ASXL3: variants seen among roughly 807,000 people sequenced by gnomAD.
ASXL3 encodes the protein ASXL transcriptional regulator 3.
In ASXL3, 34 loss-of-function variants were observed where a neutral mutation model predicts 170.6. The ratio of observed to expected loss-of-function variants is 0.20; its 90% CI spans 0.15 to 0.27. ASXL3 has a LOEUF of 0.27. ASXL3 is among the 10% of genes least tolerant of loss of function. The pLI is 1.00. For synonymous variants in ASXL3, 1,002 were observed against 989.1 expected, an observed-to-expected ratio of 1.01 and a Z score of -0.24; for missense variants, 2,592 against 2,695.3, an observed-to-expected ratio of 0.96 and a Z score of 0.85.
intron 4 of ASXL3, among the ~76,000 whole-genome samples, chr18:33,646,880 CG>C (rs56102471): frequency 0.3 from 13,281 of 43,674 alleles, 897 homozygotes; most frequent in Middle Eastern, 0.54. Context: ...TAAGGGGGAG[CG>C]GGGGGGGGGG....
Position 33,671,542 on chromosome 18 carries a change from G to A in ASXL3, c.596-205G>A, listed in dbSNP as rs567325658. ...AACGTAGTTTTGACTCCACTATTAGGCCATCTGTTCTTGCTTTTTGTTCTG... is the reference window on the plus strand; with the variant it reads ...AACGTAGTTTTGACTCCACTATTAGACCATCTGTTCTTGCTTTTTGTTCTG... On this transcript the variant is annotated intron_variant, in intron 6 of 11. Transcript: ENST00000269197. 5.3e-5 allele frequency among the ~76,000 whole-genome samples: 8 copies of A among 152,176 alleles called. No homozygotes were observed. The East Asian group carries it at 1.5e-3, about 29-fold the overall frequency.
chr18:33,714,868 G>T (rs1049256370), intron 8 of ASXL3, among the ~76,000 whole-genome samples: 2 of 152,062 alleles, frequency 1.3e-5, no homozygotes, highest in Non-Finnish European at 2.9e-5. Flanking sequence ...AATCCATTTT[G>T]GGGTAGGAAC....
Position 33,578,471 on chromosome 18 carries a change from C to A in ASXL3, c.-161C>A. 5.2e-6 allele frequency: 1 copy of A among 191,406 alleles called. No homozygotes were observed. The allele number at this position is 191,406 out of a possible 1,614,324, so 11.9% of individuals were successfully genotyped here. ...CCATCCCTCCCACCCGCCGCCGCCG[C>A]CGCCGCCGCCGCCGCCGCCGCCGCC... On this transcript the variant is annotated 5_prime_UTR_variant, in exon 1 of 12. Coordinates refer to ENST00000269197, the MANE Select transcript of ASXL3 (RefSeq NM_030632.3).
chr18:33,719,554 A>G (rs913180369), intron 8 of ASXL3, among the ~76,000 whole-genome samples: 4 of 152,048 alleles, frequency 2.6e-5, no homozygotes, highest in South Asian at 2.1e-4. Context: ...TAGGGAGTCA[A>G]ATCCTACTTT....
chr18:33,587,558 T>A (rs1380798291), intron 1 of ASXL3, among the ~76,000 whole-genome samples: 1 of 152,154 alleles, frequency 6.6e-6, no homozygotes, highest in Non-Finnish European at 1.5e-5. Flanking sequence ...TTAAACTTTT[T>A]AACTTTGAGA....
intron 8 of ASXL3, among the ~76,000 whole-genome samples, chr18:33,725,743 C>T (rs1218710204): frequency 6.6e-6 from 1 of 152,148 alleles, no homozygotes; most frequent in Non-Finnish European, 1.5e-5. Flanking sequence ...CTGTTTCCCT[C>T]TTGTGCCTTT....
At chr18:33,719,812 A>T (rs571630456) in intron 8 of ASXL3, among the ~76,000 whole-genome samples, 1 of 152,130 alleles carries the variant, frequency 6.6e-6, no homozygotes, top group Non-Finnish European at 1.5e-5. Context: ...CCCTCCCCAG[A>T]CACTGAATCT....
intron 8 of ASXL3, among the ~76,000 whole-genome samples, chr18:33,705,386 A>G (rs2066940071): frequency 6.6e-6 from 1 of 151,368 alleles, no homozygotes; most frequent in African/African-American, 2.4e-5. Flanking sequence ...AATTTAACTG[A>G]AAATATTTTC....
chr18:33,592,118 A>G lies in ASXL3; in HGVS notation c.54+13433A>G, dbSNP rs142152895. ...TTTTATCTTCTTGGTGCTAGGTGCT[A>G]GTCGTAGGCAGTTCAGATGGGGAAA... On this transcript the variant is annotated intron_variant, in intron 1 of 11. Transcript: ENST00000269197. Among the ~76,000 whole-genome samples the G allele has an allele frequency of 1.6e-3, 238 of 152,208 alleles. 1 individual carries two copies. Among genetic ancestry groups the G allele is most frequent in the African/African-American group, 5.4e-3 (223 of 41,542 alleles).
chr18:33,732,442 T>A (rs1406763859), intron 9 of ASXL3, among the ~76,000 whole-genome samples: 1 of 152,176 alleles, frequency 6.6e-6, no homozygotes, highest in East Asian at 1.9e-4. Flanking sequence ...CTTCCTTTAA[T>A]CACCAAGTTT....
chr18:33,641,882 C>T (rs189710076), intron 2 of ASXL3: 3 of 152,496 alleles, frequency 2.0e-5, no homozygotes, highest in African/African-American at 7.2e-5. Context: ...TTTATTATTT[C>T]ATATACACAC....
rs537196165 is a variant in ASXL3, at chr18:33,740,304, C to T, written c.2900C>T (p.Ala967Val). 1 of 1,611,666 alleles carries T rather than the reference C, an allele frequency of 6.2e-7. No individual in the cohort carries two copies. Among genetic ancestry groups the T allele is most frequent in the East Asian group, 2.2e-5 (1 of 44,838 alleles). Reference sequence around the variant, plus strand: ...TCAGAGATATCAAAGAGAAAAACTGCAGAGCAACACAGCTTTGGAATCTGT... The same window carrying T: ...TCAGAGATATCAAAGAGAAAAACTGTAGAGCAACACAGCTTTGGAATCTGT... ...RDSEISKRKT[A>V]EQHSFGICKE... The change falls in exon 11 of 12, where the codon GCA (alanine) becomes GTA (valine). Residue 967 changes from alanine (A) to valine (V), a missense_variant. This residue lies in a region of ASXL3 where 2,246 missense variants were observed against 2,219.6 expected (regional missense o/e 1.01). Coordinates refer to ENST00000269197, the MANE Select transcript of ASXL3 (RefSeq NM_030632.3).
chr18:33,737,976 A>G (rs1474164110), intron 10 of ASXL3, among the ~76,000 whole-genome samples: 1 of 152,150 alleles, frequency 6.6e-6, no homozygotes, highest in African/African-American at 2.4e-5. Context: ...TTTTCTGCTC[A>G]TATTTTCTAA....
chr18:33,673,552 G>A (rs552449352), intron 7 of ASXL3, among the ~76,000 whole-genome samples: 6 of 152,108 alleles, frequency 3.9e-5, no homozygotes, highest in African/African-American at 1.4e-4. Flanking sequence ...TTTTAGTAGA[G>A]ACAGGGTTTT....
chr18:33,599,039 A>G (rs112914496), intron 1 of ASXL3, among the ~76,000 whole-genome samples: 2,403 of 152,270 alleles, frequency 0.016, 68 homozygotes, highest in African/African-American at 0.054. Flanking sequence ...GAGTAACTGC[A>G]TTTTAAAAAA....
intron 8 of ASXL3, among the ~76,000 whole-genome samples, chr18:33,727,288 AGTG>A (rs2067368176): frequency 1.3e-5 from 2 of 152,266 alleles, no homozygotes; most frequent in African/African-American, 4.8e-5. Context: ...ATAAGAAAAA[AGTG>A]GTTTAGAAAA....
At chr18:33,695,892 C>T (rs1424256075) in intron 8 of ASXL3, among the ~76,000 whole-genome samples, 1 of 152,046 alleles carries the variant, frequency 6.6e-6, no homozygotes, top group Non-Finnish European at 1.5e-5. Flanking sequence ...TCTTTTTGTT[C>T]TCTTACATAA....
chr18:33,601,305 A>G (rs1469914903), intron 1 of ASXL3, among the ~76,000 whole-genome samples: 2 of 151,776 alleles, frequency 1.3e-5, no homozygotes, highest in Non-Finnish European at 2.9e-5. Context: ...GCTACTATTT[A>G]TTAACACTCA....
At chr18:33,693,021 T>C (rs2066710214) in intron 8 of ASXL3, among the ~76,000 whole-genome samples, 1 of 152,274 alleles carries the variant, frequency 6.6e-6, no homozygotes, top group East Asian at 1.9e-4. Flanking sequence ...CTTGCTATTA[T>C]GACCTCATTT....
Sources: gnomAD v4.1 joint callset for allele counts (sites outside exome capture counted in the v4.1 genomes callset) on GRCh38, gnomAD v4.1.1 for gene constraint, gnomAD v4.1.1 regional missense constraint, MANE v1.5 for transcripts, NCBI Gene and HGNC (gene_info 2026-07-23, HGNC 2026-07-21) for gene names.